The following CADM2 variants were observed in gnomAD, a reference collection of about 807,000 sequenced individuals.
CADM2 encodes the protein immunoglobulin superfamily member 4D.
A neutral mutation model predicts 49.8 loss-of-function variants in CADM2; 12 were observed. That is an observed-to-expected ratio of 0.24 (90% CI 0.15 to 0.39). The LOEUF is 0.39. Ranked by LOEUF, CADM2 falls within the 10% of genes least tolerant of loss-of-function variation. The pLI, the probability that CADM2 is intolerant of heterozygous loss-of-function variation, is 1.00. For synonymous variants in CADM2, 214 were observed against 175.4 expected, an observed-to-expected ratio of 1.22 and a Z score of -1.74; for missense variants, 378 against 492.3, an observed-to-expected ratio of 0.77 and a Z score of 2.20.
At chr3:85,728,720 T>G (rs889307170) in intron 2 of CADM2, among the ~76,000 whole-genome samples, 3 of 152,166 alleles carry the variant, frequency 2.0e-5, no homozygotes, top group African/African-American at 7.2e-5. Context: ...TGTGGAAAGT[T>G]TCTGGAATAT....
chr3:85,601,130 GTA>G (rs375011644), intron 1 of CADM2, among the ~76,000 whole-genome samples: 3,919 of 109,116 alleles, frequency 0.036, 176 homozygotes, highest in African/African-American at 0.11. Flanking sequence ...ATATATGTGT[GTA>G]TATATATATA....
At chr3:86,025,048 G>GTT (rs3042362) in intron 8 of CADM2, among the ~76,000 whole-genome samples, 44,880 of 148,716 alleles carry the variant, frequency 0.3, 8,006 homozygotes, top group Admixed American at 0.39. Flanking sequence ...CTGACTAGTT[G>GTT]TTTTTTTTTG....
chr3:85,924,577 AT>A (rs1719578517), intron 6 of CADM2, among the ~76,000 whole-genome samples: 1 of 146,694 alleles, frequency 6.8e-6, no homozygotes, highest in Non-Finnish European at 1.5e-5. Context: ...GGGTGACAAA[AT>A]GAAACAACAT....
chr3:85,983,615 C>G (rs1299363068), intron 8 of CADM2, among the ~76,000 whole-genome samples: 8 of 151,630 alleles, frequency 5.3e-5, no homozygotes, highest in Admixed American at 2.6e-4. Flanking sequence ...TTGTATCATA[C>G]CATTAATGAA....
chr3:85,921,435 G>T (rs1332303592), intron 6 of CADM2, among the ~76,000 whole-genome samples: 1 of 151,918 alleles, frequency 6.6e-6, no homozygotes, highest in Non-Finnish European at 1.5e-5. Flanking sequence ...TATTAGGAAA[G>T]ATTGTTATTG....
intron 1 of CADM2, among the ~76,000 whole-genome samples, chr3:85,014,646 T>A: frequency 6.6e-6 from 1 of 152,124 alleles, no homozygotes; most frequent in Non-Finnish European, 1.5e-5. Context: ...TGTTAGTGGT[T>A]TTGGCTCAGG....
intron 8 of CADM2, among the ~76,000 whole-genome samples, chr3:85,996,509 A>C (rs1729439807): frequency 6.6e-6 from 1 of 152,050 alleles, no homozygotes; most frequent in Admixed American, 6.6e-5. Context: ...ACTATTCTGT[A>C]AATCCTTCTT....
intron 7 of CADM2, among the ~76,000 whole-genome samples, chr3:85,947,347 G>A (rs543887703): frequency 4.0e-4 from 61 of 151,412 alleles, no homozygotes; most frequent in African/African-American, 1.4e-3. Flanking sequence ...GCAGTACTTC[G>A]ATAATAAAGG....
At chr3:85,844,417 TA>T (rs2074786086) in intron 3 of CADM2, among the ~76,000 whole-genome samples, 1 of 152,134 alleles carries the variant, frequency 6.6e-6, no homozygotes, top group South Asian at 2.1e-4. Flanking sequence ...AGGAAATATA[TA>T]AGGCATATTT....
chr3:85,565,380 T>A (rs2062227709), intron 1 of CADM2, among the ~76,000 whole-genome samples: 1 of 152,078 alleles, frequency 6.6e-6, no homozygotes, highest in Non-Finnish European at 1.5e-5. Context: ...AGGCTTCTGT[T>A]TATATATGAA....
intron 1 of CADM2, among the ~76,000 whole-genome samples, chr3:85,221,732 T>C (rs930709371): frequency 1.3e-5 from 2 of 152,154 alleles, no homozygotes; most frequent in African/African-American, 4.8e-5. Context: ...TGATAACCAT[T>C]GTAAACAGGC....
At chr3:84,983,634 A>G (rs2032347478) in intron 1 of CADM2, among the ~76,000 whole-genome samples, 1 of 152,148 alleles carries the variant, frequency 6.6e-6, no homozygotes, top group Admixed American at 6.5e-5. Context: ...AACGAAGAGA[A>G]GTGCTCTATA....
chr3:85,586,269 C>T (rs2062943748), intron 1 of CADM2, among the ~76,000 whole-genome samples: 1 of 152,204 alleles, frequency 6.6e-6, no homozygotes, highest in South Asian at 2.1e-4. Flanking sequence ...TCACAGTCTT[C>T]TTAGGGTGAA....
At chr3:86,006,992 A>G (rs1170814127) in intron 8 of CADM2, among the ~76,000 whole-genome samples, 1 of 152,102 alleles carries the variant, frequency 6.6e-6, no homozygotes, top group Admixed American at 6.5e-5. Context: ...GTGGGCCGAG[A>G]TCACGCCATT....
intron 1 of CADM2, among the ~76,000 whole-genome samples, chr3:85,545,592 C>T (rs932369972): frequency 6.6e-6 from 1 of 152,098 alleles, no homozygotes; most frequent in African/African-American, 2.4e-5. Context: ...CTATTCATTG[C>T]TCAAGATTTA....
intron 1 of CADM2, among the ~76,000 whole-genome samples, chr3:85,004,738 A>G (rs1348459154): frequency 6.6e-6 from 1 of 152,166 alleles, no homozygotes; most frequent in African/African-American, 2.4e-5. Flanking sequence ...TCAAAATTTG[A>G]TCTATCTCAT....
At chr3:85,936,688 T>A (rs1423510250) in intron 7 of CADM2, among the ~76,000 whole-genome samples, 2 of 151,812 alleles carry the variant, frequency 1.3e-5, no homozygotes, top group African/African-American at 4.8e-5. Context: ...CAGGTTAAAT[T>A]GCTAAAAATT....
At chr3:85,287,636 CTT>C (rs1463589618) in intron 1 of CADM2, among the ~76,000 whole-genome samples, 1 of 151,982 alleles carries the variant, frequency 6.6e-6, no homozygotes, top group East Asian at 1.9e-4. Context: ...TATGCATGGA[CTT>C]AATGTTTCTG....
At chr3:85,635,167 C>A (rs1482674249) in intron 1 of CADM2, among the ~76,000 whole-genome samples, 1 of 152,050 alleles carries the variant, frequency 6.6e-6, no homozygotes, top group Non-Finnish European at 1.5e-5. Flanking sequence ...TGCTATATTT[C>A]TTCTTGTTTT....
Sources: allele counts gnomAD v4.1 joint callset (sites outside exome capture counted in the v4.1 genomes callset), GRCh38; gene constraint gnomAD v4.1.1; transcripts MANE v1.5; gene names NCBI Gene and HGNC (gene_info 2026-07-23, HGNC 2026-07-21).